ERLIN2: variants seen among roughly 807,000 people sequenced by gnomAD.
The protein encoded by ERLIN2 is ER lipid raft associated 2, also known as erlin-2.
A neutral mutation model predicts 41.5 loss-of-function variants in ERLIN2; 22 were observed. The ratio of observed to expected loss-of-function variants is 0.53; its 90% CI spans 0.38 to 0.76. The LOEUF (loss-of-function observed/expected upper bound fraction) is 0.76. ERLIN2 is among the 30% of genes least tolerant of loss of function. ERLIN2 has a pLI of 0.00. For missense variants in ERLIN2, 247 were observed against 414.3 expected (o/e 0.60, Z 3.51); for synonymous variants, 149 against 150.9 (o/e 0.99, Z 0.09).
At chr8:37,744,091 T>G (rs769382953) in intron 4 of ERLIN2, among the ~76,000 whole-genome samples, 1 of 152,208 alleles carries the variant, frequency 6.6e-6, no homozygotes, top group Admixed American at 6.5e-5. Flanking sequence ...TCCAAAGATA[T>G]GAGTTACTCT....
intron 1 of ERLIN2, chr8:37,737,170 C>A: frequency 4.5e-6 from 1 of 224,152 alleles, no homozygotes; most frequent in Non-Finnish European, 7.5e-6. Context: ...CCTCCGCGTC[C>A]TGGTGCCTGA....
intron 6 of ERLIN2, chr8:37,745,896 C>A: frequency 1.6e-6 from 2 of 1,221,222 alleles, no homozygotes; most frequent in Non-Finnish European, 1.0e-6. Context: ...TTTTCTCTAG[C>A]CATTGTCTTA....
At chr8:37,749,521 G>GT (rs756838079) in intron 6 of ERLIN2, 38 bp from the exon 7 acceptor site, 2 of 1,473,266 alleles carry the variant, frequency 1.4e-6, no homozygotes, top group Non-Finnish European at 1.9e-6. Context: ...TCTAGAAAGT[G>GT]TAACAACTCC....
rs751875302 is a variant in ERLIN2 at position 37,750,354 on chromosome 8, G to A, written c.558-41G>A. 2.7e-6 allele frequency: 4 copies of A among 1,507,870 alleles called. No individual in the cohort carries two copies. The South Asian group carries it at 4.5e-5, about 17-fold the overall frequency. 93.4% of individuals were successfully genotyped at this position (1,507,870 alleles called of 1,614,324 possible). On this transcript the variant is annotated intron_variant, in intron 8 of 11. Coordinates refer to ENST00000519638, the MANE Select transcript of ERLIN2 (RefSeq NM_007175.8). ...CTTACCTGGGGATAGTGAAGCTCCTGAGTTTTCCATAGCTGCCTCACGGCT... is the reference window on the plus strand; with the variant it reads ...CTTACCTGGGGATAGTGAAGCTCCTAAGTTTTCCATAGCTGCCTCACGGCT...
In ERLIN2 at chr8:37,754,232, A is replaced by T; in HGVS notation, c.*117A>T. The T allele has an allele frequency of 1.2e-6, 1 of 833,580 alleles. No individual in the cohort carries two copies. The highest frequency in any genetic ancestry group is 2.0e-6 in the Non-Finnish European group (1 of 498,814). 51.6% of individuals were successfully genotyped at this position (833,580 alleles called of 1,614,324 possible). On this transcript the variant is annotated 3_prime_UTR_variant, in exon 12 of 12. Coordinates refer to ENST00000519638, the MANE Select transcript of ERLIN2 (RefSeq NM_007175.8). ...TGACTGTCTTCCAGTTACTGTGGTG[A>T]AAAAGAAGAAATGAACTTAAATCCA...
chr8:37,751,571 A>G, intron 9 of ERLIN2, 55 bp from the exon 10 acceptor site: 4 of 1,483,504 alleles, frequency 2.7e-6, no homozygotes, highest in South Asian at 1.1e-5. Context: ...GTGAAAGGTG[A>G]AATTAGTCAA....
In ERLIN2 at chr8:37,737,756, G is replaced by A. The variant is rs1031509127; in HGVS notation, c.-15-152G>A. ...GGGAACGTTGACTGAGAACGAGGAG[G>A]AAGCGAGTTGTAGATCTAGCCTTGT... On this transcript the variant is annotated intron_variant, in intron 1 of 11. Coordinates refer to ENST00000519638, the MANE Select transcript of ERLIN2 (RefSeq NM_007175.8). 6.2e-5 allele frequency: 50 copies of A among 802,948 alleles called. No homozygotes were observed. In the East Asian group the frequency reaches 1.3e-3, roughly 21 times the overall value. 49.7% of individuals were successfully genotyped at this position (802,948 alleles called of 1,614,324 possible). A position where few individuals can be genotyped will look rare whatever the true frequency, so the allele number is the denominator to read the frequency against.
chr8:37,753,775 C>CT, intron 11 of ERLIN2, 140 bp from the exon 12 acceptor site: 4 of 812,916 alleles, frequency 4.9e-6, no homozygotes, highest in Non-Finnish European at 8.2e-6. Context: ...TCTGAGATGA[C>CT]TGTCTCTTAC....
At chr8:37,748,901 T>C (rs535762677) in intron 6 of ERLIN2, among the ~76,000 whole-genome samples, 3 of 152,300 alleles carry the variant, frequency 2.0e-5, no homozygotes, top group African/African-American at 7.2e-5. Context: ...CATTTGTCTG[T>C]GAAACAACTC....
At chr8:37,738,613 T>C (rs972993118) in intron 2 of ERLIN2, among the ~76,000 whole-genome samples, 1 of 152,204 alleles carries the variant, frequency 6.6e-6, no homozygotes, top group Non-Finnish European at 1.5e-5. Flanking sequence ...TGGCCGGCTG[T>C]GGTGTCACAC....
intron 9 of ERLIN2, 132 bp downstream of exon 9, chr8:37,750,618 G>A (rs757966630): frequency 1.3e-6 from 1 of 766,540 alleles, no homozygotes; most frequent in Non-Finnish European, 2.3e-6. Context: ...AGTGGCAGGT[G>A]GACTCCCAGA....
chr8:37,757,758 C>T lies in ERLIN2; in HGVS notation c.*3643C>T, dbSNP rs1414113097. 2.0e-5 allele frequency: 3 copies of T among 152,160 alleles called. No homozygotes were observed. The highest frequency in any genetic ancestry group is 4.4e-5 in the Non-Finnish European group (3 of 68,020). The allele number at this position is 152,160 out of a possible 1,614,324, so 9.4% of individuals were successfully genotyped here. A position where few individuals can be genotyped will look rare whatever the true frequency, so the allele number is the denominator to read the frequency against. On this transcript the variant is annotated 3_prime_UTR_variant, in exon 12 of 12. Transcript: ENST00000519638. The stretch of plus-strand genomic sequence containing the variant: ...CAGACTAGTGAGTTAAGTACAAGAT[C>T]TCTCTAAAAATAAACAGATGAAAAT...
chr8:37,750,116 T>G (rs2129713035), intron 8 of ERLIN2: 1 of 622,644 alleles, frequency 1.6e-6, no homozygotes, highest in South Asian at 1.9e-5. Flanking sequence ...GTTCAGTGAC[T>G]CATGCCCAAG....
chr8:37,746,605 A>T, intron 6 of ERLIN2: 1 of 867,596 alleles, frequency 1.2e-6, no homozygotes, highest in Non-Finnish European at 1.4e-6. Context: ...CCTCCTATGT[A>T]TCCATGCAAG....
chr8:37,750,300 G>A lies in ERLIN2; in HGVS notation c.558-95G>A, dbSNP rs1803188399. 5 of 939,874 alleles carry A rather than the reference G, an allele frequency of 5.3e-6. No homozygotes were observed. The East Asian group carries it at 1.3e-4, about 24-fold the overall frequency. The allele number at this position is 939,874 out of a possible 1,614,324, so 58.2% of individuals were successfully genotyped here. ...CTTCCAGGAGGAGTAGGAAATGGGA[G>A]TTTGCCTCTCTTCAGCAGAAGAATT... is the stretch of plus-strand genomic sequence containing the variant. On this transcript the variant is annotated intron_variant, in intron 8 of 11. Coordinates refer to ENST00000519638, the MANE Select transcript of ERLIN2 (RefSeq NM_007175.8).
chr8:37,736,905 C>G, intron 1 of ERLIN2: 1 of 985,972 alleles, frequency 1.0e-6, no homozygotes, highest in Non-Finnish European at 1.2e-6. Flanking sequence ...GCGCTTGACC[C>G]TCTCTCGGAA....
At chr8:37,747,364 C>T in intron 6 of ERLIN2, 1 of 1,018,222 alleles carries the variant, frequency 9.8e-7, no homozygotes, top group Non-Finnish European at 1.6e-6. Flanking sequence ...AATCAAGGTC[C>T]CCTTCATTTT....
chr8:37,747,656 C>T, intron 6 of ERLIN2: 1 of 1,604,630 alleles, frequency 6.2e-7, no homozygotes, highest in Non-Finnish European at 8.5e-7. Flanking sequence ...ACGACTGCTC[C>T]ATCCACAATG....
At position 37,754,440 on chromosome 8, in the gene ERLIN2, TAG is replaced by T. The variant is rs1412817214; in HGVS notation, c.*328_*329del. ...CTGTCATTAAGGAGAGGGAGAAATGTAGAGTGTTACCTCCAACTCATTTGATT... is the reference window on the plus strand; with the variant it reads ...CTGTCATTAAGGAGAGGGAGAAATGTAGTGTTACCTCCAACTCATTTGATT... On this transcript the variant is annotated 3_prime_UTR_variant, in exon 12 of 12. Transcript: ENST00000519638. 5.4e-6 allele frequency: 2 copies of T among 373,660 alleles called. No homozygotes were observed. The highest frequency in any genetic ancestry group is 4.2e-5 in the African/African-American group (2 of 47,618). The allele number at this position is 373,660 out of a possible 1,614,324, so 23.1% of individuals were successfully genotyped here.
Sources: gnomAD v4.1 joint callset for allele counts (sites outside exome capture counted in the v4.1 genomes callset) on GRCh38, gnomAD v4.1.1 for gene constraint, MANE v1.5 for transcripts, NCBI Gene and HGNC (gene_info 2026-07-23, HGNC 2026-07-21) for gene names.